Variants in GOLIM4 observed in about 807,000 individuals in gnomAD.
GOLIM4 encodes 130 kDa golgi-localized phosphoprotein.
Under a neutral mutation model 107.4 loss-of-function variants are expected in GOLIM4, and 71 were observed. That is an observed-to-expected ratio of 0.66 (90% CI 0.55 to 0.81). The LOEUF is 0.81. Among genes scored for constraint, GOLIM4 ranks in the 30% least tolerant of loss-of-function variants. GOLIM4 has a pLI of 0.00. For missense variants in GOLIM4, 830 were observed against 826.1 expected, an observed-to-expected ratio of 1.00 and a Z score of -0.06; for synonymous variants, 327 against 294.8, an observed-to-expected ratio of 1.11 and a Z score of -1.12.
chr3:168,072,481 C>G (rs1720883065), intron 1 of GOLIM4, among the ~76,000 whole-genome samples: 1 of 151,006 alleles, frequency 6.6e-6, no homozygotes, highest in African/African-American at 2.4e-5. Context: ...AAGCCAACTA[C>G]AGTATATTGA....
chr3:168,016,138 C>T (rs1325339917), intron 14 of GOLIM4, among the ~76,000 whole-genome samples: 1 of 134,882 alleles, frequency 7.4e-6, no homozygotes, highest in African/African-American at 3.9e-5. Context: ...TCACAACCTA[C>T]TCATCTGACA....
chr3:168,041,324 T>G, intron 6 of GOLIM4, 68 bp downstream of exon 6: 1 of 935,274 alleles, frequency 1.1e-6, no homozygotes, highest in Non-Finnish European at 1.7e-6. Flanking sequence ...AGGGAATGAC[T>G]TTTTAAAGTC....
chr3:168,023,937 T>G (rs1006505933), intron 14 of GOLIM4, among the ~76,000 whole-genome samples: 5 of 152,180 alleles, frequency 3.3e-5, no homozygotes, highest in Non-Finnish European at 7.4e-5. Flanking sequence ...AAAAGCAAAC[T>G]AAAATATTAA....
Position 168,010,343 on chromosome 3 carries a change from A to C in GOLIM4, c.2017T>G (p.Tyr673Asp). 4 of 1,613,630 alleles carry C rather than the reference A, an allele frequency of 2.5e-6. No homozygotes were observed. Among genetic ancestry groups the C allele is most frequent in the Non-Finnish European group, 1.7e-6 (2 of 1,179,678 alleles). Residue 673 changes from tyrosine (Y) to aspartate (D), a missense_variant, in exon 16 of 16, where the codon TAC becomes GAC. Tyr to Asp is a radical substitution (Grantham distance 160, BLOSUM62 -3). Transcript: ENST00000470487. ...TCTTCCTCCTCTTCTTCCTCCTCGT[A>C]GTGTTCCTCTCGGCCTTTGGGGCGG... ...DNRPKGREEHYEEEEEEEEDG... is the reference protein window; with the variant it reads ...DNRPKGREEHDEEEEEEEEDG...
chr3:168,094,023 T>C (rs1049648040), intron 1 of GOLIM4, among the ~76,000 whole-genome samples: 2 of 152,220 alleles, frequency 1.3e-5, no homozygotes, highest in Admixed American at 1.3e-4. Context: ...CAGCAAAGTC[T>C]GCCAACATTT....
At chr3:168,083,610 T>A (rs1289346489) in intron 1 of GOLIM4, among the ~76,000 whole-genome samples, 1 of 152,206 alleles carries the variant, frequency 6.6e-6, no homozygotes, top group Non-Finnish European at 1.5e-5. Flanking sequence ...CATTTTAGAA[T>A]GTAGTAAAAC....
At chr3:168,089,611 G>A (rs926231570) in intron 1 of GOLIM4, among the ~76,000 whole-genome samples, 3 of 152,030 alleles carry the variant, frequency 2.0e-5, no homozygotes, top group African/African-American at 4.8e-5. Context: ...GTGCTCTGAC[G>A]CCTCAGCCTG....
At chr3:168,093,943 A>G (rs1040524671) in intron 1 of GOLIM4, among the ~76,000 whole-genome samples, 5 of 152,240 alleles carry the variant, frequency 3.3e-5, no homozygotes, top group Non-Finnish European at 7.3e-5. Flanking sequence ...CTGCACACAC[A>G]TACACAGAAA....
chr3:168,084,400 T>C (rs1721521401), intron 1 of GOLIM4, among the ~76,000 whole-genome samples: 1 of 152,184 alleles, frequency 6.6e-6, no homozygotes, highest in Admixed American at 6.5e-5. Flanking sequence ...AGTTATGATA[T>C]CGTGACGTAT....
intron 14 of GOLIM4, among the ~76,000 whole-genome samples, chr3:168,018,603 A>T (rs1414811442): frequency 6.6e-6 from 1 of 152,168 alleles, no homozygotes; most frequent in Non-Finnish European, 1.5e-5. Flanking sequence ...GGTCCATAAC[A>T]TCTCCTCTGC....
chr3:168,040,577 T>TATGTACCG (rs1718928161), intron 7 of GOLIM4, among the ~76,000 whole-genome samples: 1 of 152,212 alleles, frequency 6.6e-6, no homozygotes, highest in East Asian at 1.9e-4. Context: ...AATGATCATT[T>TATGTACCG]ATGTACCGCA....
rs1377069169 is a variant in GOLIM4, at chr3:168,052,331, T to G, written c.188-3966A>C. 2.0e-5 allele frequency among the ~76,000 whole-genome samples: 3 copies of G among 152,118 alleles called. No individual in the cohort carries two copies. In the South Asian group the frequency reaches 6.2e-4, roughly 32 times the overall value. ...AAAGTCTAATAACAAAGTAATCATA[T>G]GTATGTGTATATGCATATATGTGCA... On this transcript the variant is annotated intron_variant, in intron 1 of 15. Transcript: ENST00000470487.
At chr3:168,058,006 A>T (rs981306908) in intron 1 of GOLIM4, among the ~76,000 whole-genome samples, 5 of 152,210 alleles carry the variant, frequency 3.3e-5, no homozygotes, top group African/African-American at 1.2e-4. Context: ...CAGAATAGAG[A>T]TTAAATTTAT....
chr3:168,034,373 T>A (rs1718519894), intron 8 of GOLIM4, among the ~76,000 whole-genome samples: 1 of 152,188 alleles, frequency 6.6e-6, no homozygotes, highest in African/African-American at 2.4e-5. Flanking sequence ...ACTGGCAGTC[T>A]GACAAGGGCA....
At chr3:168,047,298 G>A (rs1052130272) in intron 2 of GOLIM4, among the ~76,000 whole-genome samples, 8 of 151,998 alleles carry the variant, frequency 5.3e-5, no homozygotes, top group Non-Finnish European at 1.2e-4. Flanking sequence ...AATTTAGGAG[G>A]GAAAAAATGG....
At position 168,024,565 on chromosome 3, in the gene GOLIM4, G is replaced by A. The variant is rs1560072415; in HGVS notation, c.1821C>T (p.Asp607=). Residue 607 remains aspartate, a synonymous_variant, in exon 14 of 16, where the codon GAC becomes GAT. Coordinates refer to ENST00000470487, the MANE Select transcript of GOLIM4 (RefSeq NM_014498.5). The part of the protein sequence containing the change: ...VMAGNPDQQE[D]NVDEQYQEEA... ...CTTCCTGGTACTGTTCATCAACATT[G>A]TCCTCCTGCTGGTCTGGATTTCCTG... is the stretch of plus-strand genomic sequence containing the variant. The A allele has an allele frequency of 6.2e-7, 1 of 1,613,490 alleles. No individual in the cohort carries two copies.
At chr3:168,095,009 T>A (rs1722097539) in intron 1 of GOLIM4, 90 bp downstream of exon 1, 7 of 973,642 alleles carry the variant, frequency 7.2e-6, no homozygotes, top group Non-Finnish European at 1.1e-5. Context: ...GCAACCACAG[T>A]GCCAATAGCT....
intron 8 of GOLIM4, among the ~76,000 whole-genome samples, chr3:168,033,641 A>C (rs13068367): frequency 3.7e-5 from 5 of 135,038 alleles, no homozygotes; most frequent in African/African-American, 1.5e-4. Context: ...AAAAAAAAAA[A>C]GAATGCCATT....
Position 168,032,821 on chromosome 3 carries a change from T to C in GOLIM4, c.875A>G (p.His292Arg), listed in dbSNP as rs768549087. The change falls in exon 9 of 16, where the codon CAT becomes CGT. Residue 292 changes from histidine to arginine, a missense_variant. By Grantham distance (29) the His-to-Arg change is conservative (BLOSUM62 0). Coordinates refer to ENST00000470487, the MANE Select transcript of GOLIM4 (RefSeq NM_014498.5). ...VSRNNDVWQN[H>R]EAVPGRAEDT... ...TTCTGCTCTTCCAGGAACTGCTTCA[T>C]GGTTCTGCCACACATCATTATTTCG... The C allele has an allele frequency of 6.2e-7, 1 of 1,613,554 alleles. No individual in the cohort carries two copies. Among genetic ancestry groups the C allele is most frequent in the African/African-American group, 1.3e-5 (1 of 74,858 alleles).
Sources: allele counts gnomAD v4.1 joint callset (sites outside exome capture counted in the v4.1 genomes callset), GRCh38; gene constraint gnomAD v4.1.1; transcripts MANE v1.5; gene names NCBI Gene and HGNC (gene_info 2026-07-23, HGNC 2026-07-21).